Variants in GIN1 observed in about 807,000 individuals in gnomAD.
The protein encoded by GIN1 is gypsy retrotransposon integrase 1.
Under a neutral mutation model 51.4 loss-of-function variants are expected in GIN1, and 41 were observed. The observed-to-expected ratio is 0.80, with a 90% CI of 0.62 to 1.04. The LOEUF (loss-of-function observed/expected upper bound fraction) is 1.04. GIN1 is among the 50% of genes least tolerant of loss of function. The probability of loss-of-function intolerance (pLI) is 0.00; values close to 1 mark genes in which losing one functional copy is unlikely to be tolerated. For synonymous variants in GIN1, 222 were observed against 206.5 expected, an observed-to-expected ratio of 1.07 and a Z score of -0.64; for missense variants, 610 against 612.4, an observed-to-expected ratio of 1.00 and a Z score of 0.04.
At chr5:103,116,324 A>G (rs2149403810) in intron 1 of GIN1, among the ~76,000 whole-genome samples, 1 of 152,272 alleles carries the variant, frequency 6.6e-6, no homozygotes, top group South Asian at 2.1e-4. Context: ...AGAAATAGCC[A>G]CTCAGTTATA....
rs200967173 is a variant in GIN1 at position 103,096,813 on chromosome 5, T to C, written c.1022A>G (p.Asn341Ser). 3.8e-6 allele frequency: 6 copies of C among 1,591,042 alleles called. No homozygotes were observed. The highest frequency in any genetic ancestry group is 5.2e-6 in the Non-Finnish European group (6 of 1,160,606). ...CTTGCTTTTATTTAGTTCATCCAAATTGTTGTTCTCCATCTACAAGTGTAA... is the reference window on the plus strand; with the variant it reads ...CTTGCTTTTATTTAGTTCATCCAAACTGTTGTTCTCCATCTACAAGTGTAA... The part of the protein sequence containing the change: ...TTSLGQMENN[N>S]LDELNKSKII... The change falls in exon 7 of 8, where the codon AAT (asparagine) becomes AGT (serine). Residue 341 changes from asparagine to serine, a missense_variant. Asn to Ser is a conservative substitution (Grantham distance 46). Coordinates refer to ENST00000399004, the MANE Select transcript of GIN1 (RefSeq NM_017676.2).
Position 103,088,087 on chromosome 5 carries a change from T to G in GIN1, c.1380A>C (p.Ala460=). The G allele has an allele frequency of 1.9e-6, 3 of 1,609,094 alleles. No homozygotes were observed. The highest frequency in any genetic ancestry group is 2.6e-6 in the Non-Finnish European group (3 of 1,175,646). The change falls in exon 8 of 8, where the codon GCA becomes GCC. Residue 460 remains alanine, a synonymous_variant. Coordinates refer to ENST00000399004, the MANE Select transcript of GIN1 (RefSeq NM_017676.2). ...LPEIPIGAYQ[A]NILVEDATIG... is the part of the protein sequence containing the mutation. The stretch of plus-strand genomic sequence containing the variant: ...TAGTTGCATCTTCCACCAGAATATT[T>G]GCTTGATATGCTCCAATCGGAATTT...
At position 103,097,680 on chromosome 5, in the gene GIN1, TTTGA is replaced by T; in HGVS notation, c.737_740del (p.Ile246LysfsTer28). 5 of 1,605,150 alleles carry T rather than the reference TTTGA, an allele frequency of 3.1e-6. No homozygotes were observed. The highest frequency in any genetic ancestry group is 4.3e-6 in the Non-Finnish European group (5 of 1,171,782). Reference sequence around the variant, plus strand: ...CAGCACAGTGTTTGGAGAGAAATGCTTTGATTGTGTTAGGTGTACTTTCCGTTGG... The same window carrying T: ...CAGCACAGTGTTTGGAGAGAAATGCTTTGTGTTAGGTGTACTTTCCGTTGG... On this transcript the variant is annotated frameshift_variant, in exon 5 of 8. Transcript: ENST00000399004. LOFTEE classifies it high-confidence loss of function.
chr5:103,117,568 G>A (rs1013300310), intron 1 of GIN1, among the ~76,000 whole-genome samples: 6 of 91,314 alleles, frequency 6.6e-5, no homozygotes, highest in Admixed American at 5.2e-4. Flanking sequence ...TTCTCTATAT[G>A]AAGAAAAAAA....
intron 7 of GIN1, among the ~76,000 whole-genome samples, chr5:103,091,443 CAT>C (rs1262951701): frequency 6.6e-6 from 1 of 152,110 alleles, no homozygotes; most frequent in Non-Finnish European, 1.5e-5. Context: ...AGTAAGCAAA[CAT>C]ATCATATTAA....
intron 4 of GIN1, among the ~76,000 whole-genome samples, chr5:103,100,591 G>A (rs1243026079): frequency 6.6e-6 from 1 of 151,064 alleles, no homozygotes; most frequent in East Asian, 1.9e-4. Context: ...TAGAGACGGA[G>A]TCTTGTTGTA....
intron 6 of GIN1, 113 bp from the exon 7 acceptor site, chr5:103,096,939 G>A: frequency 1.5e-6 from 1 of 669,012 alleles, no homozygotes; most frequent in East Asian, 2.7e-5. Context: ...GCTACTAAAA[G>A]GTAGGTATGA....
chr5:103,119,789 T>C (rs1222694453), intron 1 of GIN1, among the ~76,000 whole-genome samples: 1 of 152,106 alleles, frequency 6.6e-6, no homozygotes, highest in East Asian at 1.9e-4. Context: ...ACACTCAGAA[T>C]CAGCAGGAAA....
chr5:103,100,129 C>A (rs1303767355), intron 4 of GIN1, among the ~76,000 whole-genome samples: 2 of 149,798 alleles, frequency 1.3e-5, no homozygotes, highest in Non-Finnish European at 3.0e-5. Flanking sequence ...TTTTTTGAGA[C>A]AGGGTCTCAG....
At chr5:103,089,804 T>G (rs1160338196) in intron 7 of GIN1, among the ~76,000 whole-genome samples, 1 of 152,132 alleles carries the variant, frequency 6.6e-6, no homozygotes, top group Non-Finnish European at 1.5e-5. Context: ...CTCACCCTCA[T>G]AACATTATTA....
chr5:103,105,564 A>C lies in GIN1; in HGVS notation c.334-718T>G, dbSNP rs1787700330. Among the ~76,000 whole-genome samples the C allele has an allele frequency of 2.0e-5, 3 of 152,294 alleles. 1 individual carries two copies. In the South Asian group the frequency reaches 6.2e-4, roughly 32 times the overall value. On this transcript the variant is annotated intron_variant, in intron 3 of 7. Transcript: ENST00000399004. The stretch of plus-strand genomic sequence containing the variant: ...ATGTATAGATGGAGCAATTTCTCTC[A>C]ATCGTGGGAAAAGAATAAACATACA...
At position 103,086,680 on chromosome 5, in the gene GIN1, GCCTC is replaced by G. The variant is rs1458849525; in HGVS notation, c.*1214_*1217del. The G allele has an allele frequency of 2.0e-5, 3 of 151,802 alleles. No homozygotes were observed. The highest frequency in any genetic ancestry group is 4.4e-5 in the Non-Finnish European group (3 of 67,950). 9.4% of individuals were successfully genotyped at this position (151,802 alleles called of 1,614,324 possible). A position where few individuals can be genotyped will look rare whatever the true frequency, so the allele number is the denominator to read the frequency against. ...ATGTAAAAACAACTTCTCTCTTTTT[GCCTC>G]CCTAAGTACATTATCTACACCTGTC... On this transcript the variant is annotated 3_prime_UTR_variant, in exon 8 of 8. Transcript: ENST00000399004.
Position 103,100,565 on chromosome 5 carries a change from A to AT in GIN1, c.640-2785dup, listed in dbSNP as rs1318946948. Among the ~76,000 whole-genome samples, 243 of 147,154 alleles carry AT rather than the reference A, an allele frequency of 1.7e-3. 1 individual carries two copies. Among genetic ancestry groups the AT allele is most frequent in the African/African-American group, 3.5e-3 (139 of 40,060 alleles). On this transcript the variant is annotated intron_variant, in intron 4 of 7. Transcript: ENST00000399004. ...CAACACCACGTCCAGTTAATTAAAA[A>AT]TTTTTTTTTTTTTTGTAGAGACGGA...
In GIN1 at chr5:103,096,778, T is replaced by C. The variant is rs1554195128; in HGVS notation, c.1057A>G (p.Lys353Glu). The C allele has an allele frequency of 6.2e-7, 1 of 1,608,236 alleles. No individual in the cohort carries two copies. Among genetic ancestry groups the C allele is most frequent in the Admixed American group, 1.7e-5 (1 of 59,986 alleles). ...DELNKSKIIV[K>E]KKPKQLNPFH... ...GGATTTAATTGTTTGGGTTTCTTTT[T>C]AACAATGATCTTGCTTTTATTTAGT... Residue 353 changes from lysine (K) to glutamate (E), a missense_variant, in exon 7 of 8, where the codon AAA becomes GAA. Transcript: ENST00000399004.
Position 103,086,013 on chromosome 5 carries a change from A to G in GIN1, c.*1885T>C, listed in dbSNP as rs1458268240. On this transcript the variant is annotated 3_prime_UTR_variant, in exon 8 of 8. Coordinates refer to ENST00000399004, the MANE Select transcript of GIN1 (RefSeq NM_017676.2). The stretch of plus-strand genomic sequence containing the variant: ...CCACAAACTGGATGGCTGAAACAAT[A>G]GAATTTTATTGTCTCACAGTTCTGG... 2.0e-5 allele frequency: 3 copies of G among 152,206 alleles called. No homozygotes were observed. The highest frequency in any genetic ancestry group is 1.3e-4 in the Admixed American group (2 of 15,280). 9.4% of individuals were successfully genotyped at this position (152,206 alleles called of 1,614,324 possible). A position where few individuals can be genotyped will look rare whatever the true frequency, so the allele number is the denominator to read the frequency against.
At chr5:103,105,428 CA>C (rs1787697227) in intron 3 of GIN1, among the ~76,000 whole-genome samples, 1 of 152,146 alleles carries the variant, frequency 6.6e-6, no homozygotes, top group Non-Finnish European at 1.5e-5. Flanking sequence ...TGTAAATTTA[CA>C]ATAATTTCTA....
At chr5:103,092,149 T>G (rs1787258215) in intron 7 of GIN1, among the ~76,000 whole-genome samples, 1 of 152,042 alleles carries the variant, frequency 6.6e-6, no homozygotes, top group South Asian at 2.1e-4. Flanking sequence ...GCTAAGTAGC[T>G]AAAACTAAAG....
Position 103,104,801 on chromosome 5 carries a change from C to T in GIN1, c.379G>A (p.Val127Ile), listed in dbSNP as rs374271362. Reference sequence around the variant, plus strand: ...TTGAGAAGGTGCTGTTTCGGTGCTACAATAACTGTATTTTTTGCCACTTGG... The same window carrying T: ...TTGAGAAGGTGCTGTTTCGGTGCTATAATAACTGTATTTTTTGCCACTTGG... ...HCQVAKNTVI[V>I]APKQHLLKVE... The change falls in exon 4 of 8, where the codon GTA becomes ATA. Residue 127 changes from valine to isoleucine, a missense_variant. By Grantham distance (29) the Val-to-Ile change is conservative (BLOSUM62 3). Transcript: ENST00000399004. 8.0e-5 allele frequency: 129 copies of T among 1,610,466 alleles called. No individual in the cohort carries two copies. Among genetic ancestry groups the T allele is most frequent in the Non-Finnish European group, 1.0e-4 (122 of 1,177,880 alleles).
In GIN1 at chr5:103,112,582, C is replaced by T. The variant is rs566842533; in HGVS notation, c.-7-3868G>A. On this transcript the variant is annotated intron_variant, in intron 1 of 7. Coordinates refer to ENST00000399004, the MANE Select transcript of GIN1 (RefSeq NM_017676.2). ...GCCATATCCCCAACCATTCTCTATACCTTGGTTTACATCATTTTCCCCTAA... is the reference window on the plus strand; with the variant it reads ...GCCATATCCCCAACCATTCTCTATATCTTGGTTTACATCATTTTCCCCTAA... Among the ~76,000 whole-genome samples the T allele has an allele frequency of 5.9e-5, 9 of 152,242 alleles. No homozygotes were observed. The South Asian group carries it at 1.9e-3, about 32-fold the overall frequency.
Sources: allele counts gnomAD v4.1 joint callset (sites outside exome capture counted in the v4.1 genomes callset), GRCh38; gene constraint gnomAD v4.1.1; transcripts MANE v1.5; gene names NCBI Gene and HGNC (gene_info 2026-07-23, HGNC 2026-07-21).